AGBL4: variants seen among roughly 807,000 people sequenced by gnomAD.
AGBL4 encodes AGBL carboxypeptidase 4.
A neutral mutation model predicts 66.4 loss-of-function variants in AGBL4; 58 were observed. The ratio of observed to expected loss-of-function variants is 0.87; its 90% CI spans 0.71 to 1.09. The LOEUF is 1.09. Among genes scored for constraint, AGBL4 ranks in the 50% least tolerant of loss-of-function variants. The pLI, the probability that AGBL4 is intolerant of heterozygous loss-of-function variation, is 0.00. For missense variants in AGBL4, 579 were observed against 631.0 expected (o/e 0.92, Z 0.88); for synonymous variants, 234 against 222.9 (o/e 1.05, Z -0.44).
intron 5 of AGBL4, among the ~76,000 whole-genome samples, chr1:49,024,436 G>A (rs1450525739): frequency 6.6e-6 from 1 of 152,004 alleles, no homozygotes; most frequent in Non-Finnish European, 1.5e-5. Flanking sequence ...TCCCCAGCCA[G>A]GTTTTCATGT....
At chr1:48,534,327 C>T (rs899190887) in intron 13 of AGBL4, 34 bp from the exon 14 acceptor site, 3 of 1,540,046 alleles carry the variant, frequency 1.9e-6, no homozygotes, top group African/African-American at 2.8e-5. Context: ...AGAGAGAAGA[C>T]AGCCCATATA....
chr1:48,776,480 C>T, intron 6 of AGBL4: 1 of 702,056 alleles, frequency 1.4e-6, no homozygotes, highest in Non-Finnish European at 2.1e-6. Flanking sequence ...GCCCAGAGGA[C>T]GGGAGAAGGA....
intron 3 of AGBL4, among the ~76,000 whole-genome samples, chr1:49,619,152 T>G (rs1645308051): frequency 6.6e-6 from 1 of 152,256 alleles, no homozygotes; most frequent in East Asian, 1.9e-4. Flanking sequence ...TAAAGGGTAT[T>G]CAAATAAGAA....
chr1:49,857,990 T>C (rs1646475722), intron 1 of AGBL4, among the ~76,000 whole-genome samples: 2 of 151,940 alleles, frequency 1.3e-5, no homozygotes, highest in Admixed American at 6.6e-5. Flanking sequence ...CTCTAGAATA[T>C]ACAAAGAACT....
At chr1:48,755,319 T>C (rs984504242) in intron 6 of AGBL4, among the ~76,000 whole-genome samples, 2 of 152,318 alleles carry the variant, frequency 1.3e-5, no homozygotes, top group African/African-American at 4.8e-5. Flanking sequence ...GAGTAAATAA[T>C]GATTCTTCCA....
At chr1:48,744,849 T>C (rs1459384194) in intron 6 of AGBL4, among the ~76,000 whole-genome samples, 1 of 152,184 alleles carries the variant, frequency 6.6e-6, no homozygotes, top group African/African-American at 2.4e-5. Context: ...TCTGCTCAGG[T>C]ACCCCAAATG....
chr1:49,304,891 T>C (rs1226406299), intron 3 of AGBL4, among the ~76,000 whole-genome samples: 1 of 152,198 alleles, frequency 6.6e-6, no homozygotes, highest in Non-Finnish European at 1.5e-5. Context: ...GTTATCTTTG[T>C]TGCACTTACA....
At chr1:49,863,328 A>G (rs1028841153) in intron 1 of AGBL4, among the ~76,000 whole-genome samples, 1 of 152,222 alleles carries the variant, frequency 6.6e-6, no homozygotes, top group Non-Finnish European at 1.5e-5. Context: ...CTATGAAACT[A>G]CTACAAAAAC....
At chr1:49,145,728 A>G (rs1646205666) in intron 4 of AGBL4, among the ~76,000 whole-genome samples, 1 of 152,176 alleles carries the variant, frequency 6.6e-6, no homozygotes, top group Admixed American at 6.6e-5. Flanking sequence ...TAGAGCTATC[A>G]TAAGATCCAG....
intron 2 of AGBL4, chr1:49,842,322 C>T (rs752310597): frequency 1.9e-6 from 1 of 528,382 alleles, no homozygotes; most frequent in Non-Finnish European, 3.3e-6. Flanking sequence ...AACATCACCT[C>T]CCTGCTGGAG....
At chr1:49,287,458 T>C (rs891668290) in intron 3 of AGBL4, among the ~76,000 whole-genome samples, 1 of 149,804 alleles carries the variant, frequency 6.7e-6, no homozygotes, top group Non-Finnish European at 1.5e-5. Context: ...TTTCGCAACC[T>C]ACTCATCTGA....
At chr1:49,492,455 A>C (rs1270425402) in intron 3 of AGBL4, among the ~76,000 whole-genome samples, 1 of 151,974 alleles carries the variant, frequency 6.6e-6, no homozygotes, top group Admixed American at 6.6e-5. Context: ...TGGGTAACTG[A>C]AACTGTGAAA....
intron 1 of AGBL4, among the ~76,000 whole-genome samples, chr1:49,877,493 A>G (rs1226914409): frequency 6.6e-6 from 1 of 150,706 alleles, no homozygotes; most frequent in East Asian, 1.9e-4. Context: ...CCAGCCTTGC[A>G]TCCCAGGGAT....
At chr1:49,357,712 C>T (rs949202829) in intron 3 of AGBL4, among the ~76,000 whole-genome samples, 1 of 152,132 alleles carries the variant, frequency 6.6e-6, no homozygotes, top group African/African-American at 2.4e-5. Flanking sequence ...ATGACCACTC[C>T]AAGCCTCAGT....
intron 4 of AGBL4, among the ~76,000 whole-genome samples, chr1:49,130,227 G>A (rs1416330762): frequency 2.6e-5 from 4 of 152,262 alleles, no homozygotes; most frequent in South Asian, 4.2e-4. Flanking sequence ...TTTGTCAGAT[G>A]AGTAAGTTGT....
chr1:49,361,021 C>T (rs1360513202), intron 3 of AGBL4, among the ~76,000 whole-genome samples: 1 of 152,034 alleles, frequency 6.6e-6, no homozygotes, highest in East Asian at 1.9e-4. Context: ...TGCTCTCGAA[C>T]TCCTGATCTC....
rs1657968349 is a variant in AGBL4 at position 48,961,438 on chromosome 1, C to T, written c.594+84146G>A. ...CAATATGCTTCTTTGTCAAAGAAGA[C>T]CAAGAAGTAGAAATGCAGAAAGACC... On this transcript the variant is annotated intron_variant, in intron 5 of 13. Transcript: ENST00000371839. Among the ~76,000 whole-genome samples, 4 of 152,194 alleles carry T rather than the reference C, an allele frequency of 2.6e-5. No individual in the cohort carries two copies. The South Asian group carries it at 8.3e-4, about 32-fold the overall frequency.
chr1:48,877,131 C>T (rs1050037821), intron 5 of AGBL4, among the ~76,000 whole-genome samples: 2 of 152,114 alleles, frequency 1.3e-5, no homozygotes, highest in African/African-American at 2.4e-5. Flanking sequence ...TTGTTTCTCT[C>T]CTTCAGTAGG....
At chr1:49,982,825 C>T (rs369369155) in intron 1 of AGBL4, among the ~76,000 whole-genome samples, 128 of 152,244 alleles carry the variant, frequency 8.4e-4, no homozygotes, top group Non-Finnish European at 1.4e-3. Context: ...GGTATCCAGA[C>T]GACCAGCTAT....
Sources: allele counts gnomAD v4.1 joint callset (sites outside exome capture counted in the v4.1 genomes callset), GRCh38; gene constraint gnomAD v4.1.1; transcripts MANE v1.5; gene names NCBI Gene and HGNC (gene_info 2026-07-23, HGNC 2026-07-21).